Variants in SHLD1 observed in about 807,000 individuals in gnomAD.
SHLD1 encodes RINN1-REV7-interacting novel NHEJ regulator 3.
Under a neutral mutation model 5.5 loss-of-function variants are expected in SHLD1, and 3 were observed. The ratio of observed to expected loss-of-function variants is 0.54; its 90% CI spans 0.25 to 1.40. SHLD1 has a LOEUF of 1.40. SHLD1 is among the 40% of genes most tolerant of loss of function. SHLD1 has a pLI of 0.15. For synonymous variants in SHLD1, 92 were observed against 94.3 expected (o/e 0.98, Z 0.14); for missense variants, 210 against 244.4 (o/e 0.86, Z 0.94).
intron 2 of SHLD1, among the ~76,000 whole-genome samples, chr20:5,832,073 T>C (rs1322859198): frequency 6.6e-6 from 1 of 152,214 alleles, no homozygotes; most frequent in Non-Finnish European, 1.5e-5. Context: ...CGCAGGTAGC[T>C]GGGATTACAA....
In SHLD1 at chr20:5,844,799, AT is replaced by A. The variant is rs1161478171; in HGVS notation, c.179-18212del. ...TATATATATATATATATATATATAT[AT>A]TTTTTTTTTTTTGAGACACAGTCTC... On this transcript the variant is annotated intron_variant, in intron 2 of 2. Coordinates refer to ENST00000303142, the MANE Select transcript of SHLD1 (RefSeq NM_152504.4). Among the ~76,000 whole-genome samples, 157 of 71,686 alleles carry A rather than the reference AT, an allele frequency of 2.2e-3. 1 individual carries two copies. The highest frequency in any genetic ancestry group is 4.6e-3 in the Admixed American group (27 of 5,864). The allele number at this position is 71,686 out of a possible 152,430, so 47.0% of individuals were successfully genotyped here.
chr20:5,823,810 C>G (rs916567597), intron 2 of SHLD1, among the ~76,000 whole-genome samples: 1 of 152,160 alleles, frequency 6.6e-6, no homozygotes, highest in Non-Finnish European at 1.5e-5. Context: ...CAAAGCCATC[C>G]TGGGTTGCAT....
intron 1 of SHLD1, among the ~76,000 whole-genome samples, chr20:5,770,516 A>T (rs912269579): frequency 2.6e-5 from 4 of 152,182 alleles, no homozygotes; most frequent in African/African-American, 9.7e-5. Context: ...CATATCAGCA[A>T]ATCCTTCTCC....
chr20:5,839,678 G>A (rs775252637), intron 2 of SHLD1, among the ~76,000 whole-genome samples: 1 of 152,188 alleles, frequency 6.6e-6, no homozygotes, highest in Non-Finnish European at 1.5e-5. Context: ...CCAAAGCAGA[G>A]GCTAAATAAC....
intron 1 of SHLD1, among the ~76,000 whole-genome samples, chr20:5,755,407 G>GC (rs1395072764): frequency 1.3e-5 from 2 of 152,154 alleles, no homozygotes; most frequent in African/African-American, 4.8e-5. Flanking sequence ...TTCCTCATGA[G>GC]AATTTAATGC....
At chr20:5,824,506 C>T (rs1045354615) in intron 2 of SHLD1, among the ~76,000 whole-genome samples, 3 of 152,176 alleles carry the variant, frequency 2.0e-5, no homozygotes, top group African/African-American at 7.2e-5. Flanking sequence ...CCTGTATCTC[C>T]AGCACCTAGA....
intron 1 of SHLD1, among the ~76,000 whole-genome samples, chr20:5,758,617 C>T (rs536402974): frequency 6.6e-6 from 1 of 151,982 alleles, no homozygotes; most frequent in African/African-American, 2.4e-5. Context: ...TGGGGGGTTT[C>T]ACCATGTTGG....
intron 2 of SHLD1, among the ~76,000 whole-genome samples, chr20:5,852,423 T>TCCTA: frequency 6.6e-6 from 1 of 150,480 alleles, no homozygotes; most frequent in African/African-American, 2.5e-5. Context: ...CTCCCTTCCT[T>TCCTA]CCTTCCTTCC....
intron 2 of SHLD1, among the ~76,000 whole-genome samples, chr20:5,785,257 C>T (rs1727613211): frequency 6.6e-6 from 1 of 152,222 alleles, no homozygotes; most frequent in South Asian, 2.1e-4. Context: ...ACTTACATTT[C>T]AGGCACTGTG....
chr20:5,750,823 G>A (rs1983706091), intron 1 of SHLD1, among the ~76,000 whole-genome samples: 1 of 151,608 alleles, frequency 6.6e-6, no homozygotes. Flanking sequence ...AGTAAAATTT[G>A]CCCATTTAAA....
chr20:5,757,133 C>G (rs1000347707), intron 1 of SHLD1, among the ~76,000 whole-genome samples: 16 of 62,004 alleles, frequency 2.6e-4, no homozygotes, highest in African/African-American at 1.3e-3. Flanking sequence ...TACAGTGGTG[C>G]AATCTTGGCT....
chr20:5,822,062 C>T (rs1399740306), intron 2 of SHLD1, among the ~76,000 whole-genome samples: 1 of 152,184 alleles, frequency 6.6e-6, no homozygotes, highest in African/African-American at 2.4e-5. Flanking sequence ...GGTGACTGGC[C>T]AGGCAAAGTT....
chr20:5,843,295 C>CTTTTTTTTTTTTTTTTCTTT (rs11473559), intron 2 of SHLD1, among the ~76,000 whole-genome samples: 11 of 141,636 alleles, frequency 7.8e-5, no homozygotes, highest in South Asian at 2.2e-4. Context: ...TTGTTTTTTT[C>CTTTTTTTTTTTTTTTTCTTT]TTTTTTTTTT....
At chr20:5,821,504 T>C (rs1018208146) in intron 2 of SHLD1, among the ~76,000 whole-genome samples, 1 of 152,184 alleles carries the variant, frequency 6.6e-6, no homozygotes, top group African/African-American at 2.4e-5. Flanking sequence ...AGAGCATGAC[T>C]CTATCTCAAA....
At chr20:5,861,046 G>C (rs2088156287) in intron 2 of SHLD1, among the ~76,000 whole-genome samples, 1 of 152,176 alleles carries the variant, frequency 6.6e-6, no homozygotes, top group Admixed American at 6.5e-5. Context: ...CTCTCTCCTT[G>C]AGCCTCCAGG....
At chr20:5,853,553 C>T (rs2088040059) in intron 2 of SHLD1, among the ~76,000 whole-genome samples, 1 of 152,070 alleles carries the variant, frequency 6.6e-6, no homozygotes, top group Non-Finnish European at 1.5e-5. Context: ...GTTACAAGGC[C>T]ACGGTTATCT....
chr20:5,790,759 A>G (rs1472943124), intron 2 of SHLD1, among the ~76,000 whole-genome samples: 6 of 152,030 alleles, frequency 3.9e-5, no homozygotes, highest in African/African-American at 1.4e-4. Context: ...TGGCCAAAAT[A>G]AAAGATTTCA....
At position 5,806,864 on chromosome 20, in the gene SHLD1, C is replaced by T. The variant is rs1044481381; in HGVS notation, c.178+33821C>T. On this transcript the variant is annotated intron_variant, in intron 2 of 2. Coordinates refer to ENST00000303142, the MANE Select transcript of SHLD1 (RefSeq NM_152504.4). The surrounding 1 kb of genome is among the most constrained non-coding windows in gnomAD (Gnocchi z 7.6). Reference sequence around the variant, plus strand: ...GCCAGCCCTCTGTCACCACCCTCTCCACTAGAATGCCATGTATTATGTATT... The same window carrying T: ...GCCAGCCCTCTGTCACCACCCTCTCTACTAGAATGCCATGTATTATGTATT... 3.9e-5 allele frequency among the ~76,000 whole-genome samples: 6 copies of T among 152,246 alleles called. No individual in the cohort carries two copies. The South Asian group carries it at 1.2e-3, about 32-fold the overall frequency.
chr20:5,802,874 GC>G (rs750685041), intron 2 of SHLD1, among the ~76,000 whole-genome samples: 1 of 152,112 alleles, frequency 6.6e-6, no homozygotes, highest in Non-Finnish European at 1.5e-5. Context: ...GAGCCACTGT[GC>G]CCGGCCTCTT....
Sources: allele counts gnomAD v4.1 joint callset (sites outside exome capture counted in the v4.1 genomes callset), GRCh38; gene constraint gnomAD v4.1.1; non-coding constraint Gnocchi (gnomAD v3.1); transcripts MANE v1.5; gene names NCBI Gene and HGNC (gene_info 2026-07-23, HGNC 2026-07-21).